The following MAP9 variants were observed in gnomAD, a reference collection of about 807,000 sequenced individuals.
MAP9 encodes the protein microtubule associated protein 9.
Under a neutral mutation model 75.2 loss-of-function variants are expected in MAP9, and 80 were observed. The observed-to-expected ratio is 1.06, with a 90% CI of 0.89 to 1.28. The LOEUF (loss-of-function observed/expected upper bound fraction) is 1.28. MAP9 is among the 50% of genes most tolerant of loss of function. MAP9 has a pLI of 0.00. For synonymous variants in MAP9, 235 were observed against 237.3 expected, an observed-to-expected ratio of 0.99 and a Z score of 0.09; for missense variants, 753 against 719.9, an observed-to-expected ratio of 1.05 and a Z score of -0.53.
Position 155,352,685 on chromosome 4 carries a change from T to C in MAP9, c.1732A>G (p.Lys578Glu), listed in dbSNP as rs1731570421. 3.8e-6 allele frequency: 6 copies of C among 1,560,064 alleles called. No individual in the cohort carries two copies. The highest frequency in any genetic ancestry group is 5.2e-6 in the Non-Finnish European group (6 of 1,142,884). Reference sequence around the variant, plus strand: ...TCTTCCTTTCTTTTCTCATTTATTTTTTCTTTTTCCTTTTGCTTGAAAAAA... The same window carrying C: ...TCTTCCTTTCTTTTCTCATTTATTTCTTCTTTTTCCTTTTGCTTGAAAAAA... The part of the protein sequence containing the change: ...EAFFKQKEKE[K>E]INEKRKEELK... The change falls in exon 13 of 14, where the codon AAA becomes GAA. Residue 578 changes from lysine to glutamate, a missense_variant. Transcript: ENST00000311277.
rs1308613367 is a variant in MAP9, at chr4:155,346,866, G to A, written c.*917C>T. 2 of 152,444 alleles carry A rather than the reference G, an allele frequency of 1.3e-5. No homozygotes were observed. The highest frequency in any genetic ancestry group is 4.8e-5 in the African/African-American group (2 of 41,388). The allele number at this position is 152,444 out of a possible 1,614,324, so 9.4% of individuals were successfully genotyped here. On this transcript the variant is annotated 3_prime_UTR_variant, in exon 14 of 14. Transcript: ENST00000311277. ...AGATCAAATAAATAAATAAATAAAGGCTTTGTGGACATTGTCAACATATTT... is the reference window on the plus strand; with the variant it reads ...AGATCAAATAAATAAATAAATAAAGACTTTGTGGACATTGTCAACATATTT...
Position 155,342,923 on chromosome 4 carries a change from C to A in MAP9, c.*4860G>T, listed in dbSNP as rs1165538819. On this transcript the variant is annotated 3_prime_UTR_variant, in exon 14 of 14. Transcript: ENST00000311277. ...ATAGCTTTAATGCGGTCCATCATTTCTAATAATGATATTGGCTACAAGAAT... is the reference window on the plus strand; with the variant it reads ...ATAGCTTTAATGCGGTCCATCATTTATAATAATGATATTGGCTACAAGAAT... The A allele has an allele frequency of 1.3e-5, 2 of 151,552 alleles. No homozygotes were observed. The highest frequency in any genetic ancestry group is 4.9e-5 in the African/African-American group (2 of 41,236). 9.4% of individuals were successfully genotyped at this position (151,552 alleles called of 1,614,324 possible).
rs1036132557 is a variant in MAP9, at chr4:155,344,707, T to C, written c.*3076A>G. Reference sequence around the variant, plus strand: ...TTACTTTCTTTCATTAAGAAAACTTTAACCTCTTGATCTAAAATGCCATAT... The same window carrying C: ...TTACTTTCTTTCATTAAGAAAACTTCAACCTCTTGATCTAAAATGCCATAT... On this transcript the variant is annotated 3_prime_UTR_variant, in exon 14 of 14. Transcript: ENST00000311277. The C allele has an allele frequency of 1.3e-5, 2 of 152,008 alleles. No homozygotes were observed. Among genetic ancestry groups the C allele is most frequent in the Non-Finnish European group, 2.9e-5 (2 of 67,890 alleles). 9.4% of individuals were successfully genotyped at this position (152,008 alleles called of 1,614,324 possible).
rs369434997 is a variant in MAP9 at position 155,371,494 on chromosome 4, T to C, written c.481+1642A>G. Among the ~76,000 whole-genome samples, 10 of 151,572 alleles carry C rather than the reference T, an allele frequency of 6.6e-5. No individual in the cohort carries two copies. In the South Asian group the frequency reaches 1.9e-3, roughly 28 times the overall value. Reference sequence around the variant, plus strand: ...AATATATTTTCTACAAAAATTCCACTTCCAGAAGTACTGTCAAGTTCCCAA... The same window carrying C: ...AATATATTTTCTACAAAAATTCCACCTCCAGAAGTACTGTCAAGTTCCCAA... On this transcript the variant is annotated intron_variant, in intron 4 of 13. Coordinates refer to ENST00000311277, the MANE Select transcript of MAP9 (RefSeq NM_001039580.2).
Position 155,355,137 on chromosome 4 carries a change from C to G in MAP9, c.1314G>C (p.Val438=), listed in dbSNP as rs2341894. ...TTATTCTGTGCATTTCATGTAAATA[C>G]ACATTTTTCTTTTCTAACCACTCCT... ...VYQEWLEKKN[V]YLHEMHRIKR... Residue 438 remains valine (V), a synonymous_variant, in exon 10 of 14, where the codon GTG becomes GTC. Coordinates refer to ENST00000311277, the MANE Select transcript of MAP9 (RefSeq NM_001039580.2). 8 of 1,342,614 alleles carry G rather than the reference C, an allele frequency of 6.0e-6. No homozygotes were observed. The Admixed American group carries it at 1.2e-4, about 20-fold the overall frequency. 83.2% of individuals were successfully genotyped at this position (1,342,614 alleles called of 1,614,324 possible).
At position 155,360,258 on chromosome 4, in the gene MAP9, T is replaced by C. The variant is rs1204679765; in HGVS notation, c.960A>G (p.Glu320=). Residue 320 remains glutamate (E), a synonymous_variant, in exon 7 of 14, where the codon GAA becomes GAG. Coordinates refer to ENST00000311277, the MANE Select transcript of MAP9 (RefSeq NM_001039580.2). ...DDLEEEKAKA[E]LIMDDDRTVD... The stretch of plus-strand genomic sequence containing the variant: ...CTGTTCTGTCATCATCCATAATCAG[T>C]TCCGCTTTTGCCTTTTCTTCTTCAA... 3 of 1,613,284 alleles carry C rather than the reference T, an allele frequency of 1.9e-6. No individual in the cohort carries two copies. The highest frequency in any genetic ancestry group is 2.5e-6 in the Non-Finnish European group (3 of 1,179,426).
chr4:155,345,329 CT>C lies in MAP9; in HGVS notation c.*2453del. 1 of 152,122 alleles carries C rather than the reference CT, an allele frequency of 6.6e-6. No individual in the cohort carries two copies. The highest frequency in any genetic ancestry group is 1.9e-4 in the East Asian group (1 of 5,184). 9.4% of individuals were successfully genotyped at this position (152,122 alleles called of 1,614,324 possible). Reference sequence around the variant, plus strand: ...GACAAAAAAAATTTGAAGTGAATGACTTGTTGGGTCTATGCAAACACCTCAT... The same window carrying C: ...GACAAAAAAAATTTGAAGTGAATGACTGTTGGGTCTATGCAAACACCTCAT... On this transcript the variant is annotated 3_prime_UTR_variant, in exon 14 of 14. Transcript: ENST00000311277.
At position 155,347,869 on chromosome 4, in the gene MAP9, GTTT is replaced by G; in HGVS notation, c.1855_1857del (p.Lys619del). The G allele has an allele frequency of 1.9e-6, 3 of 1,579,282 alleles. No homozygotes were observed. The highest frequency in any genetic ancestry group is 2.6e-6 in the Non-Finnish European group (3 of 1,153,380). ...TCAAGAAAGGAATGACGTTTCTTCT[GTTT>G]TCGTTCAATTCTTTCTTGTTTTTCC... On this transcript the variant is annotated inframe_deletion, in exon 14 of 14. Coordinates refer to ENST00000311277, the MANE Select transcript of MAP9 (RefSeq NM_001039580.2).
At position 155,355,866 on chromosome 4, in the gene MAP9, A is replaced by T; in HGVS notation, c.1140T>A (p.Phe380Leu). Residue 380 changes from phenylalanine (F) to leucine (L), a missense_variant, in exon 9 of 14, where the codon TTT becomes TTA. Physicochemically the swap from Phe to Leu is conservative, Grantham distance 22 (BLOSUM62 0). Transcript: ENST00000311277. ...SASARLMTSE[F>L]LKKSSSKRRT... Reference sequence around the variant, plus strand: ...TCCTTTTAGAACTAGATTTCTTCAAAAACTCAGAGGTCATTAATCTGAAAA... The same window carrying T: ...TCCTTTTAGAACTAGATTTCTTCAATAACTCAGAGGTCATTAATCTGAAAA... 1 of 1,613,068 alleles carries T rather than the reference A, an allele frequency of 6.2e-7. No homozygotes were observed. The highest frequency in any genetic ancestry group is 8.5e-7 in the Non-Finnish European group (1 of 1,179,432).
At chr4:155,362,824 T>C (rs1560811351) in intron 5 of MAP9, 1 of 151,664 alleles carries the variant, frequency 6.6e-6, no homozygotes, top group Non-Finnish European at 1.5e-5. Context: ...CAGTATTTTA[T>C]GGGTGCAAAG....
intron 4 of MAP9, 31 bp from the exon 5 acceptor site, chr4:155,368,843 TA>T: frequency 3.2e-6 from 5 of 1,549,020 alleles, no homozygotes; most frequent in African/African-American, 1.4e-5. Flanking sequence ...AGTGTGTGTA[TA>T]AAAAAATGAC....
In MAP9 at chr4:155,342,910, C is replaced by T. The variant is rs751247611; in HGVS notation, c.*4873G>A. 43 of 151,408 alleles carry T rather than the reference C, an allele frequency of 2.8e-4. No individual in the cohort carries two copies. The highest frequency in any genetic ancestry group is 5.6e-4 in the Non-Finnish European group (38 of 67,872). The allele number at this position is 151,408 out of a possible 1,614,324, so 9.4% of individuals were successfully genotyped here. A position where few individuals can be genotyped will look rare whatever the true frequency, so the allele number is the denominator to read the frequency against. On this transcript the variant is annotated 3_prime_UTR_variant, in exon 14 of 14. Coordinates refer to ENST00000311277, the MANE Select transcript of MAP9 (RefSeq NM_001039580.2). ...CTTATTTAATTTTATAGCTTTAATG[C>T]GGTCCATCATTTCTAATAATGATAT...
Position 155,355,141 on chromosome 4 carries a change from T to C in MAP9, c.1310A>G (p.Asn437Ser). ...AVYQEWLEKK[N>S]VYLHEMHRIK... Reference sequence around the variant, plus strand: ...TCTGTGCATTTCATGTAAATACACATTTTTCTTTTCTAACCACTCCTATAA... The same window carrying C: ...TCTGTGCATTTCATGTAAATACACACTTTTCTTTTCTAACCACTCCTATAA... The change falls in exon 10 of 14, where the codon AAT (asparagine) becomes AGT (serine). Residue 437 changes from asparagine to serine, a missense_variant. Physicochemically the swap from Asn to Ser is conservative, Grantham distance 46 (BLOSUM62 1). Transcript: ENST00000311277. 1.5e-6 allele frequency: 2 copies of C among 1,322,460 alleles called. No individual in the cohort carries two copies. Among genetic ancestry groups the C allele is most frequent in the Middle Eastern group, 1.9e-4 (1 of 5,348 alleles). 81.9% of individuals were successfully genotyped at this position (1,322,460 alleles called of 1,614,324 possible). A position where few individuals can be genotyped will look rare whatever the true frequency, so the allele number is the denominator to read the frequency against.
At chr4:155,352,002 A>G (rs1731533822) in intron 13 of MAP9, among the ~76,000 whole-genome samples, 1 of 152,004 alleles carries the variant, frequency 6.6e-6, no homozygotes, top group East Asian at 1.9e-4. Flanking sequence ...ATGGAAAATA[A>G]TATTTTGCTT....
At position 155,375,903 on chromosome 4, in the gene MAP9, T is replaced by A. The variant is rs1732819551; in HGVS notation, c.-53A>T. 8.4e-7 allele frequency: 1 copy of A among 1,194,756 alleles called. No individual in the cohort carries two copies. Among genetic ancestry groups the A allele is most frequent in the South Asian group, 1.3e-5 (1 of 77,978 alleles). The allele number at this position is 1,194,756 out of a possible 1,614,324, so 74.0% of individuals were successfully genotyped here. ...AAATAGCTAATTATTAGAATTCAAC[T>A]TCTGATAGTAGCTGAAATATACAAA... On this transcript the variant is annotated 5_prime_UTR_variant, in exon 2 of 14. It adds an upstream start codon to the 5' untranslated region. Coordinates refer to ENST00000311277, the MANE Select transcript of MAP9 (RefSeq NM_001039580.2).
In MAP9 at chr4:155,374,918, T is replaced by C; in HGVS notation, c.160+19A>G. 1 of 1,499,300 alleles carries C rather than the reference T, an allele frequency of 6.7e-7. No individual in the cohort carries two copies. Among genetic ancestry groups the C allele is most frequent in the Non-Finnish European group, 9.1e-7 (1 of 1,100,824 alleles). 92.9% of individuals were successfully genotyped at this position (1,499,300 alleles called of 1,614,324 possible). A position where few individuals can be genotyped will look rare whatever the true frequency, so the allele number is the denominator to read the frequency against. On this transcript the variant is annotated intron_variant, in intron 3 of 13. Coordinates refer to ENST00000311277, the MANE Select transcript of MAP9 (RefSeq NM_001039580.2). ...GCAAAAAGAAGAAAAGTGGTTCACG[T>C]TTCCATACTGTCACATACCAATCTC...
At chr4:155,374,631 G>A (rs1056611423) in intron 3 of MAP9, among the ~76,000 whole-genome samples, 1 of 152,120 alleles carries the variant, frequency 6.6e-6, no homozygotes, top group African/African-American at 2.4e-5. Flanking sequence ...AGATGAACCT[G>A]TCTTCTTCAA....
rs1040858177 is a variant in MAP9, at chr4:155,352,989, A to G, written c.1611T>C (p.Tyr537=). The G allele has an allele frequency of 3.9e-6, 6 of 1,541,354 alleles. No homozygotes were observed. Among genetic ancestry groups the G allele is most frequent in the Non-Finnish European group, 3.5e-6 (4 of 1,136,780 alleles). ...CCTCTTTCTGTTTCTTTGCTCTTTC[A>G]TATTCTCTCTCCTTTCTATTTTTCT... ...LKEKNRKERE[Y]ERAKKQKEEE... is the part of the protein sequence containing the mutation. Residue 537 remains tyrosine, a synonymous_variant, in exon 12 of 14, where the codon TAT becomes TAC. Transcript: ENST00000311277.
chr4:155,357,555 T>A lies in MAP9; in HGVS notation c.1051-36A>T, dbSNP rs571356327. On this transcript the variant is annotated intron_variant, in intron 7 of 13. Coordinates refer to ENST00000311277, the MANE Select transcript of MAP9 (RefSeq NM_001039580.2). ...GAAAATGCCAAAGATGATTTATTCA[T>A]GACAACTATCCTTTTTAGGCTTAGA... 6.0e-5 allele frequency: 76 copies of A among 1,257,610 alleles called. No homozygotes were observed. The African/African-American group carries it at 9.1e-4, about 15-fold the overall frequency. 77.9% of individuals were successfully genotyped at this position (1,257,610 alleles called of 1,614,324 possible).
Sources: gnomAD v4.1 joint callset for allele counts (sites outside exome capture counted in the v4.1 genomes callset) on GRCh38, gnomAD v4.1.1 for gene constraint, MANE v1.5 for transcripts, NCBI Gene and HGNC (gene_info 2026-07-23, HGNC 2026-07-21) for gene names.